P2RY2: variants seen among roughly 807,000 people sequenced by gnomAD.
The protein encoded by P2RY2 is purinergic receptor P2Y2.
For synonymous variants in P2RY2, 241 were observed against 231.9 expected, an observed-to-expected ratio of 1.04 and a Z score of -0.35; for missense variants, 567 against 515.7, an observed-to-expected ratio of 1.10 and a Z score of -0.96.
intron 1 of P2RY2, among the ~76,000 whole-genome samples, chr11:73,223,549 C>T (rs1862183216): frequency 6.6e-6 from 1 of 152,162 alleles, no homozygotes; most frequent in Non-Finnish European, 1.5e-5. Context: ...ATGAGCTGTC[C>T]CATGCAGCAG....
chr11:73,232,950 G>A (rs1356803855), intron 2 of P2RY2, among the ~76,000 whole-genome samples: 4 of 152,120 alleles, frequency 2.6e-5, no homozygotes, highest in Non-Finnish European at 5.9e-5. Flanking sequence ...CACCTGGGTA[G>A]GGGTAAGGAG....
rs1862687738 is a variant in P2RY2 at position 73,237,703 on chromosome 11, C to A, written c.*2410C>A. ...TGGATACTGGAGACCCTGGGTGAAC[C>A]AGGGGCACCTCTGGAACCCAGTTGG... On this transcript the variant is annotated 3_prime_UTR_variant, in exon 3 of 3. Coordinates refer to ENST00000393597, the MANE Select transcript of P2RY2 (RefSeq NM_002564.4). Among the ~76,000 whole-genome samples, 1 of 152,182 alleles carries A rather than the reference C, an allele frequency of 6.6e-6. No individual in the cohort carries two copies. The highest frequency in any genetic ancestry group is 1.5e-5 in the Non-Finnish European group (1 of 68,030).
At chr11:73,224,831 T>C (rs1427119548) in intron 1 of P2RY2, among the ~76,000 whole-genome samples, 1 of 152,204 alleles carries the variant, frequency 6.6e-6, no homozygotes, top group African/African-American at 2.4e-5. Context: ...ATGCCTTCTT[T>C]ACCTGCTGAA....
Position 73,235,812 on chromosome 11 carries a change from G to T in P2RY2, c.*519G>T. 1 of 1,001,066 alleles carries T rather than the reference G, an allele frequency of 1.0e-6. No individual in the cohort carries two copies. Among genetic ancestry groups the T allele is most frequent in the Non-Finnish European group, 1.2e-6 (1 of 830,684 alleles). The allele number at this position is 1,001,066 out of a possible 1,614,324, so 62.0% of individuals were successfully genotyped here. ...GTGCCACGGTGGACTTAGCTCTGAGGAGTACCCCCAGCCCAAGAGATGAAC... is the reference window on the plus strand; with the variant it reads ...GTGCCACGGTGGACTTAGCTCTGAGTAGTACCCCCAGCCCAAGAGATGAAC... On this transcript the variant is annotated 3_prime_UTR_variant, in exon 3 of 3. Transcript: ENST00000393597.
At chr11:73,226,938 A>C (rs976947526) in intron 1 of P2RY2, among the ~76,000 whole-genome samples, 1 of 151,728 alleles carries the variant, frequency 6.6e-6, no homozygotes, top group East Asian at 1.9e-4. Flanking sequence ...TTTTTTTTCT[A>C]TATATATATA....
chr11:73,218,833 G>T (rs1302166244), intron 1 of P2RY2, among the ~76,000 whole-genome samples: 2 of 152,172 alleles, frequency 1.3e-5, no homozygotes, highest in African/African-American at 4.8e-5. Flanking sequence ...CCGGTGCCCA[G>T]AGACGCGAAC....
At chr11:73,231,513 C>T (rs973945581) in intron 2 of P2RY2, among the ~76,000 whole-genome samples, 6 of 150,064 alleles carry the variant, frequency 4.0e-5, no homozygotes, top group East Asian at 3.9e-4. Flanking sequence ...GCTGAGATCA[C>T]GCCACTGCAT....
chr11:73,230,718 G>A (rs1421201603), intron 2 of P2RY2, among the ~76,000 whole-genome samples: 1 of 152,144 alleles, frequency 6.6e-6, no homozygotes, highest in East Asian at 1.9e-4. Flanking sequence ...ACTAAGGCTG[G>A]GAGGGGAGAG....
intron 1 of P2RY2, among the ~76,000 whole-genome samples, chr11:73,222,071 C>G (rs550714218): frequency 6.6e-6 from 1 of 152,138 alleles, no homozygotes; most frequent in Non-Finnish European, 1.5e-5. Flanking sequence ...GCAGCCTGGG[C>G]CCCGTGGAAC....
At chr11:73,226,917 C>G (rs556128238) in intron 1 of P2RY2, among the ~76,000 whole-genome samples, 2 of 152,272 alleles carry the variant, frequency 1.3e-5, no homozygotes, top group South Asian at 2.1e-4. Flanking sequence ...GGGTTTGACA[C>G]AGGAGATTTC....
intron 2 of P2RY2, among the ~76,000 whole-genome samples, chr11:73,233,422 G>T (rs1179303616): frequency 1.3e-5 from 2 of 152,268 alleles, no homozygotes; most frequent in African/African-American, 4.8e-5. Flanking sequence ...GCAGGGGGCT[G>T]TTGGATGCCC....
At chr11:73,230,552 A>G (rs1257786959) in intron 2 of P2RY2, among the ~76,000 whole-genome samples, 1 of 152,028 alleles carries the variant, frequency 6.6e-6, no homozygotes, top group Non-Finnish European at 1.5e-5. Context: ...GATTCTAGTA[A>G]TTGTCCCATT....
intron 2 of P2RY2, among the ~76,000 whole-genome samples, chr11:73,230,771 C>T (rs757915219): frequency 1.3e-5 from 2 of 151,942 alleles, no homozygotes; most frequent in Admixed American, 6.6e-5. Flanking sequence ...GGGGTTGGGG[C>T]GGGTGAGGTT....
chr11:73,225,487 C>A (rs1361573258), intron 1 of P2RY2, among the ~76,000 whole-genome samples: 2 of 152,192 alleles, frequency 1.3e-5, no homozygotes, highest in African/African-American at 4.8e-5. Context: ...AATCCTGAGC[C>A]CTGCCAATTG....
chr11:73,218,488 G>C (rs1350938865), intron 1 of P2RY2, 56 bp downstream of exon 1: 3 of 152,826 alleles, frequency 2.0e-5, no homozygotes, highest in Non-Finnish European at 4.4e-5. Context: ...GGGAAGCGGC[G>C]GGCCAGACTG....
At chr11:73,231,181 C>A in intron 2 of P2RY2, among the ~76,000 whole-genome samples, 1 of 152,156 alleles carries the variant, frequency 6.6e-6, no homozygotes, top group East Asian at 1.9e-4. Context: ...AACAAGGGTG[C>A]AGGCCCCCTT....
Position 73,235,334 on chromosome 11 carries a change from C to G in P2RY2, c.*41C>G, listed in dbSNP as rs763463265. ...GCCTGTGCAGGTTTATATTGGGAAG[C>G]TGTAGAGGACCAGGACTTGTGCAGA... On this transcript the variant is annotated 3_prime_UTR_variant, in exon 3 of 3. Transcript: ENST00000393597. 4.6e-6 allele frequency: 7 copies of G among 1,515,942 alleles called. No homozygotes were observed. The highest frequency in any genetic ancestry group is 6.2e-6 in the Non-Finnish European group (7 of 1,132,040). 93.9% of individuals were successfully genotyped at this position (1,515,942 alleles called of 1,614,324 possible).
intron 1 of P2RY2, among the ~76,000 whole-genome samples, chr11:73,224,322 C>A (rs1209720760): frequency 6.6e-6 from 1 of 152,238 alleles, no homozygotes; most frequent in Non-Finnish European, 1.5e-5. Context: ...GTTCCTCAAA[C>A]GTGTCATGTC....
chr11:73,241,024 C>T lies in P2RY2; in HGVS notation c.*5731C>T, dbSNP rs936298146. The T allele has an allele frequency of 1.3e-5, 2 of 152,218 alleles. No individual in the cohort carries two copies. Among genetic ancestry groups the T allele is most frequent in the African/African-American group, 4.8e-5 (2 of 41,452 alleles). The allele number at this position is 152,218 out of a possible 1,614,324, so 9.4% of individuals were successfully genotyped here. A position where few individuals can be genotyped will look rare whatever the true frequency, so the allele number is the denominator to read the frequency against. The stretch of plus-strand genomic sequence containing the variant: ...AACCAGGTCCTAAGGGTGCAGCCCT[C>T]ATGAATGGGTTTAGTGCCCTTACAG... On this transcript the variant is annotated 3_prime_UTR_variant, in exon 3 of 3. Coordinates refer to ENST00000393597, the MANE Select transcript of P2RY2 (RefSeq NM_002564.4).
Sources: allele counts gnomAD v4.1 joint callset (sites outside exome capture counted in the v4.1 genomes callset), GRCh38; gene constraint gnomAD v4.1.1; transcripts MANE v1.5; gene names NCBI Gene and HGNC (gene_info 2026-07-23, HGNC 2026-07-21).